CSMD1: variants seen among roughly 807,000 people sequenced by gnomAD.
CSMD1 encodes CUB and Sushi multiple domains 1, also known as CUB and sushi domain-containing protein 1.
CSMD1 carries 213 observed loss-of-function variants against 417.5 expected under a neutral mutation model. The ratio of observed to expected loss-of-function variants is 0.51; its 90% CI spans 0.46 to 0.57. The LOEUF (loss-of-function observed/expected upper bound fraction) is 0.57, where lower values mean the gene tolerates loss of function less well. Among genes scored for constraint, CSMD1 ranks in the 20% least tolerant of loss-of-function variants. The pLI, the probability that CSMD1 is intolerant of heterozygous loss-of-function variation, is 0.00. For synonymous variants in CSMD1, 2,862 were observed against 1,736.8 expected (o/e 1.65, Z -16.11); for missense variants, 6,923 against 4,529.7 (o/e 1.53, Z -15.17).
At chr8:3,744,329 G>C (rs1217543873) in intron 6 of CSMD1, among the ~76,000 whole-genome samples, 1 of 152,086 alleles carries the variant, frequency 6.6e-6, no homozygotes, top group Non-Finnish European at 1.5e-5. Flanking sequence ...CTCTGCCTGT[G>C]ATACCCTGTG....
intron 2 of CSMD1, among the ~76,000 whole-genome samples, chr8:4,534,477 T>C (rs1005749591): frequency 3.3e-5 from 5 of 152,232 alleles, no homozygotes; most frequent in Non-Finnish European, 5.9e-5. Flanking sequence ...AAATGTTGCC[T>C]TTTATTTCAG....
At chr8:2,989,844 C>T (rs997010588) in intron 54 of CSMD1, among the ~76,000 whole-genome samples, 28 of 152,188 alleles carry the variant, frequency 1.8e-4, no homozygotes, top group Non-Finnish European at 1.6e-4. Flanking sequence ...ACAGATGCCA[C>T]GGCAGATTGG....
chr8:4,372,911 C>G (rs1452906912), intron 3 of CSMD1, among the ~76,000 whole-genome samples: 1 of 152,196 alleles, frequency 6.6e-6, no homozygotes, highest in Non-Finnish European at 1.5e-5. Flanking sequence ...AACTCCCCAT[C>G]CCTTAAGCAT....
chr8:4,440,463 C>T (rs775565168), intron 2 of CSMD1, among the ~76,000 whole-genome samples: 2 of 151,942 alleles, frequency 1.3e-5, no homozygotes, highest in African/African-American at 2.4e-5. Flanking sequence ...TCTTGTTACT[C>T]ACAAAAAAAA....
chr8:3,965,706 C>G (rs528378700), intron 5 of CSMD1, among the ~76,000 whole-genome samples: 1 of 152,246 alleles, frequency 6.6e-6, no homozygotes, highest in African/African-American at 2.4e-5. Context: ...CAACCTCTGC[C>G]TCCCACTTTC....
At chr8:4,891,276 C>G (rs867955022) in intron 1 of CSMD1, among the ~76,000 whole-genome samples, 4 of 152,054 alleles carry the variant, frequency 2.6e-5, no homozygotes, top group African/African-American at 9.7e-5. Context: ...TTAGGTAAAA[C>G]AAGAATACTC....
At chr8:4,455,222 C>T (rs1203619010) in intron 2 of CSMD1, among the ~76,000 whole-genome samples, 1 of 152,080 alleles carries the variant, frequency 6.6e-6, no homozygotes, top group Non-Finnish European at 1.5e-5. Context: ...CTCTGAAATA[C>T]TTCTCTAAAA....
intron 12 of CSMD1, among the ~76,000 whole-genome samples, chr8:3,462,753 G>A (rs1324606729): frequency 1.3e-5 from 2 of 152,140 alleles, no homozygotes; most frequent in Non-Finnish European, 2.9e-5. Context: ...TGGAAAAACT[G>A]TCTACCTTAA....
intron 57 of CSMD1, among the ~76,000 whole-genome samples, chr8:2,969,054 C>T (rs1267413649): frequency 2.0e-5 from 3 of 152,064 alleles, no homozygotes; most frequent in Non-Finnish European, 4.4e-5. Context: ...TGAATATCTG[C>T]TCATGCAAGT....
At chr8:3,260,941 G>T (rs976498308) in intron 26 of CSMD1, among the ~76,000 whole-genome samples, 2 of 151,998 alleles carry the variant, frequency 1.3e-5, no homozygotes, top group Non-Finnish European at 2.9e-5. Flanking sequence ...GAATGCTCAA[G>T]ACTGAAGAGT....
intron 23 of CSMD1, among the ~76,000 whole-genome samples, chr8:3,334,602 G>C (rs552670586): frequency 6.6e-6 from 1 of 152,178 alleles, no homozygotes; most frequent in Admixed American, 6.5e-5. Flanking sequence ...CACAGGCTAC[G>C]TTGTAATGTC....
chr8:4,236,102 C>G (rs533426905), intron 3 of CSMD1, among the ~76,000 whole-genome samples: 7 of 143,826 alleles, frequency 4.9e-5, no homozygotes, highest in Non-Finnish European at 1.0e-4. Context: ...TCCTGTAGGC[C>G]CAGCACAGGG....
intron 5 of CSMD1, among the ~76,000 whole-genome samples, chr8:3,785,413 C>G (rs541042460): frequency 1.8e-4 from 27 of 152,170 alleles, no homozygotes; most frequent in Non-Finnish European, 3.7e-4. Context: ...GGTGAGAGGT[C>G]AGGCTAAGCA....
intron 3 of CSMD1, among the ~76,000 whole-genome samples, chr8:4,311,712 G>T (rs1243810018): frequency 3.8e-5 from 4 of 104,132 alleles, no homozygotes; most frequent in East Asian, 4.2e-4. Context: ...AACAAAGCAA[G>T]ACTCAGTCTC....
At chr8:3,754,570 A>G (rs2720863) in intron 5 of CSMD1, among the ~76,000 whole-genome samples, 1 of 151,684 alleles carries the variant, frequency 6.6e-6, no homozygotes, top group Admixed American at 6.6e-5. Flanking sequence ...TTCTCCTCCC[A>G]CAGCCTCCTG....
chr8:3,497,619 C>T (rs57229192), intron 10 of CSMD1, among the ~76,000 whole-genome samples: 75,567 of 151,972 alleles, frequency 0.5, 19,078 homozygotes, highest in Middle Eastern at 0.56. Context: ...ATGGCTATTC[C>T]TGCTAGTTTT....
intron 2 of CSMD1, among the ~76,000 whole-genome samples, chr8:4,453,596 T>G (rs975342766): frequency 6.6e-6 from 1 of 152,092 alleles, no homozygotes; most frequent in Non-Finnish European, 1.5e-5. Flanking sequence ...ATTGAACTGC[T>G]GTGAATCGAC....
At chr8:4,587,837 T>C (rs987584735) in intron 2 of CSMD1, among the ~76,000 whole-genome samples, 5 of 152,230 alleles carry the variant, frequency 3.3e-5, no homozygotes, top group Non-Finnish European at 5.9e-5. Flanking sequence ...TCCACAACTC[T>C]GTAACTATAA....
chr8:4,569,804 C>T (rs1798795869), intron 2 of CSMD1, among the ~76,000 whole-genome samples: 1 of 152,024 alleles, frequency 6.6e-6, no homozygotes, highest in Admixed American at 6.6e-5. Context: ...TGTTTGTGTC[C>T]TCTTTTATTT....
Sources: allele counts gnomAD v4.1 joint callset (sites outside exome capture counted in the v4.1 genomes callset), GRCh38; gene constraint gnomAD v4.1.1; transcripts MANE v1.5; gene names NCBI Gene and HGNC (gene_info 2026-07-23, HGNC 2026-07-21).